The following RBFOX1 variants were observed in gnomAD, a reference collection of about 807,000 sequenced individuals.
RBFOX1 encodes RNA binding fox-1 homolog 1, also known as RNA binding protein fox-1 homolog 1.
Under a neutral mutation model 57.7 loss-of-function variants are expected in RBFOX1, and 8 were observed. That is an observed-to-expected ratio of 0.14 (90% CI 0.08 to 0.25). RBFOX1 has a LOEUF of 0.25. Among genes scored for constraint, RBFOX1 ranks in the 10% least tolerant of loss-of-function variants. The pLI is 1.00. For missense variants in RBFOX1, 611 were observed against 548.5 expected (o/e 1.11, Z -1.14); for synonymous variants, 326 against 222.4 (o/e 1.47, Z -4.15).
chr16:7,027,414 C>G (rs1409263792), intron 3 of RBFOX1, among the ~76,000 whole-genome samples: 1 of 152,070 alleles, frequency 6.6e-6, no homozygotes, highest in Non-Finnish European at 1.5e-5. Flanking sequence ...AAGTTAGACA[C>G]CCTTAACATC....
At chr16:6,853,699 C>T (rs80095971) in intron 3 of RBFOX1, among the ~76,000 whole-genome samples, 4 of 152,210 alleles carry the variant, frequency 2.6e-5, no homozygotes, top group South Asian at 4.2e-4. Flanking sequence ...ATTTATCACC[C>T]TGGTTGGATT....
chr16:6,549,602 A>T (rs975121335), intron 2 of RBFOX1, among the ~76,000 whole-genome samples: 15 of 151,604 alleles, frequency 9.9e-5, no homozygotes, highest in African/African-American at 3.4e-4. Flanking sequence ...TCACTTGAAG[A>T]TACTGCAGCA....
chr16:5,343,489 T>TG (rs1317552765), intron 1 of RBFOX1, among the ~76,000 whole-genome samples: 3 of 150,142 alleles, frequency 2.0e-5, no homozygotes, highest in Non-Finnish European at 3.0e-5. Context: ...TAATTTTTTT[T>TG]TTTGTGTATT....
chr16:5,642,874 A>C (rs1053287641), intron 3 of RBFOX1, among the ~76,000 whole-genome samples: 1 of 152,140 alleles, frequency 6.6e-6, no homozygotes, highest in African/African-American at 2.4e-5. Flanking sequence ...CCCTAGAGTG[A>C]GGGGGTCTGT....
intron 2 of RBFOX1, among the ~76,000 whole-genome samples, chr16:6,335,521 T>A (rs1278042048): frequency 3.9e-5 from 6 of 152,084 alleles, no homozygotes. Flanking sequence ...GGTTCACGCC[T>A]GTAATCCCAG....
At chr16:6,744,825 A>G (rs899550498) in intron 3 of RBFOX1, among the ~76,000 whole-genome samples, 8 of 152,218 alleles carry the variant, frequency 5.3e-5, no homozygotes, top group East Asian at 3.9e-4. Context: ...AGAAGATAGG[A>G]AATAAAGATC....
At chr16:7,262,377 C>G (rs1033275112) in intron 4 of RBFOX1, among the ~76,000 whole-genome samples, 3 of 151,556 alleles carry the variant, frequency 2.0e-5, no homozygotes, top group Admixed American at 6.6e-5. Context: ...ACTTTGTTTT[C>G]CTTTTGCTGG....
chr16:7,190,493 T>C (rs2085103997), intron 4 of RBFOX1, among the ~76,000 whole-genome samples: 1 of 133,300 alleles, frequency 7.5e-6, no homozygotes, highest in Non-Finnish European at 1.6e-5. Flanking sequence ...CATCCAGGCA[T>C]TTTTTTTTTC....
chr16:6,994,945 T>TTTTGTGTGTGTGTG (rs2092031918), intron 3 of RBFOX1, among the ~76,000 whole-genome samples: 2 of 147,994 alleles, frequency 1.4e-5, no homozygotes, highest in Non-Finnish European at 3.0e-5. Context: ...TTGCATTATT[T>TTTTGTGTGTGTGTG]TGTGTGTGTG....
intron 4 of RBFOX1, among the ~76,000 whole-genome samples, chr16:7,116,130 G>A (rs1042731894): frequency 6.6e-6 from 1 of 152,086 alleles, no homozygotes; most frequent in African/African-American, 2.4e-5. Flanking sequence ...AGACAACAAT[G>A]GCTTCTGAAA....
At chr16:7,690,882 C>G (rs1490325425) in intron 14 of RBFOX1, among the ~76,000 whole-genome samples, 1 of 152,086 alleles carries the variant, frequency 6.6e-6, no homozygotes, top group Non-Finnish European at 1.5e-5. Context: ...GCAATCTCCC[C>G]TTAGAACTGT....
chr16:7,358,743 A>C (rs1333114089), intron 4 of RBFOX1, among the ~76,000 whole-genome samples: 2 of 152,192 alleles, frequency 1.3e-5, no homozygotes, highest in African/African-American at 4.8e-5. Context: ...TTATATGAAT[A>C]AAGTAGTCAC....
chr16:6,429,014 A>G (rs966148486), intron 2 of RBFOX1, among the ~76,000 whole-genome samples: 10 of 152,324 alleles, frequency 6.6e-5, no homozygotes, highest in Middle Eastern at 3.4e-3. Context: ...ATTCGGTGAC[A>G]TGCACCTGCT....
chr16:7,190,426 T>C (rs1323185420), intron 4 of RBFOX1, among the ~76,000 whole-genome samples: 2 of 152,228 alleles, frequency 1.3e-5, no homozygotes, highest in Non-Finnish European at 2.9e-5. Context: ...TGTCAGCCTT[T>C]ACAAGCATTG....
intron 2 of RBFOX1, among the ~76,000 whole-genome samples, chr16:5,593,623 A>T (rs918671446): frequency 1.2e-4 from 19 of 152,326 alleles, no homozygotes; most frequent in African/African-American, 4.3e-4. Flanking sequence ...GTCATGACAG[A>T]TTACAAATGC....
intron 4 of RBFOX1, among the ~76,000 whole-genome samples, chr16:7,135,390 A>G (rs549103412): frequency 5.9e-4 from 90 of 152,346 alleles, no homozygotes; most frequent in African/African-American, 1.7e-3. Flanking sequence ...TTTATTTTCA[A>G]TGAGCATGCA....
intron 1 of RBFOX1, among the ~76,000 whole-genome samples, chr16:6,213,240 C>G (rs2097310135): frequency 6.6e-6 from 1 of 151,986 alleles, no homozygotes; most frequent in Non-Finnish European, 1.5e-5. Context: ...TGAGCTCTTT[C>G]TTGAACGCTT....
intron 4 of RBFOX1, among the ~76,000 whole-genome samples, chr16:7,140,161 TCTCTCTCTC>T (rs1567421072): frequency 9.6e-5 from 10 of 104,210 alleles, no homozygotes; most frequent in African/African-American, 4.2e-4. Context: ...TCTCTCCCTC[TCTCTCTCTC>T]TCTCTCTCTC....
chr16:7,007,607 T>A (rs932636278), intron 3 of RBFOX1, among the ~76,000 whole-genome samples: 2 of 152,354 alleles, frequency 1.3e-5, no homozygotes, highest in Admixed American at 1.3e-4. Flanking sequence ...CATCTTTGAC[T>A]GTTTTAGTCA....
Sources: gnomAD v4.1 joint callset for allele counts (sites outside exome capture counted in the v4.1 genomes callset) on GRCh38, gnomAD v4.1.1 for gene constraint, MANE v1.5 for transcripts, NCBI Gene and HGNC (gene_info 2026-07-23, HGNC 2026-07-21) for gene names.